The following STAB2 variants were observed in gnomAD, a reference collection of about 807,000 sequenced individuals.
STAB2 encodes stabilin-2.
A neutral mutation model predicts 338.1 loss-of-function variants in STAB2; 288 were observed. The ratio of observed to expected loss-of-function variants is 0.85; its 90% CI spans 0.77 to 0.94. The LOEUF (loss-of-function observed/expected upper bound fraction) is 0.94, where lower values mean the gene tolerates loss of function less well. STAB2 is among the 40% of genes least tolerant of loss of function. The pLI, the probability that STAB2 is intolerant of heterozygous loss-of-function variation, is 0.00. For missense variants in STAB2, 3,141 were observed against 3,210.1 expected (o/e 0.98, Z 0.52); for synonymous variants, 1,202 against 1,193.3 (o/e 1.01, Z -0.15).
chr12:103,654,122 T>C (rs78739748), intron 12 of STAB2, among the ~76,000 whole-genome samples: 329 of 152,386 alleles, frequency 2.2e-3, no homozygotes, highest in African/African-American at 7.6e-3. Flanking sequence ...CAATATTTAC[T>C]AAGTCTGTCA....
chr12:103,679,309 G>A (rs539405519), intron 25 of STAB2, among the ~76,000 whole-genome samples: 105 of 152,050 alleles, frequency 6.9e-4, no homozygotes, highest in Non-Finnish European at 1.1e-3. Flanking sequence ...TGGAGGTTGC[G>A]GTGAACTGAG....
rs560284970 is a variant in STAB2 at position 103,587,626 on chromosome 12, CCT to C, written c.81+72_81+73del. On this transcript the variant is annotated intron_variant, in intron 1 of 68. Coordinates refer to ENST00000388887, the MANE Select transcript of STAB2 (RefSeq NM_017564.10). Reference sequence around the variant, plus strand: ...GATATGTTCAAAAGCTTGTCGTTTTCCTCTGTTGTTATGGGTAAAGGGTGAAA... The same window carrying C: ...GATATGTTCAAAAGCTTGTCGTTTTCCTGTTGTTATGGGTAAAGGGTGAAA... The C allele has an allele frequency of 2.9e-4, 384 of 1,345,672 alleles. 1 individual carries two copies. In the African/African-American group the frequency reaches 5.1e-3, roughly 18 times the overall value. The allele number at this position is 1,345,672 out of a possible 1,614,324, so 83.4% of individuals were successfully genotyped here.
At chr12:103,716,237 T>G (rs1015088336) in intron 43 of STAB2, among the ~76,000 whole-genome samples, 2 of 152,238 alleles carry the variant, frequency 1.3e-5, no homozygotes, top group Non-Finnish European at 2.9e-5. Context: ...CTTAAGGCTC[T>G]GAAGCACATG....
chr12:103,658,716 C>G (rs1205257927), intron 15 of STAB2, among the ~76,000 whole-genome samples: 1 of 152,064 alleles, frequency 6.6e-6, no homozygotes, highest in Non-Finnish European at 1.5e-5. Context: ...TCCCAGGACC[C>G]CTACCCATGC....
At chr12:103,707,742 G>A (rs758822712) in intron 38 of STAB2, among the ~76,000 whole-genome samples, 3 of 152,126 alleles carry the variant, frequency 2.0e-5, no homozygotes, top group Non-Finnish European at 2.9e-5. Context: ...CAGTTCACTT[G>A]GCTATCACTG....
intron 5 of STAB2, among the ~76,000 whole-genome samples, chr12:103,629,582 T>C (rs1252055493): frequency 1.3e-5 from 2 of 152,000 alleles, no homozygotes; most frequent in Non-Finnish European, 2.9e-5. Context: ...AAGTGGGGGC[T>C]TTGGCTGGCC....
chr12:103,715,681 C>A, intron 42 of STAB2, 134 bp from the exon 43 acceptor site: 2 of 950,760 alleles, frequency 2.1e-6, no homozygotes, highest in Non-Finnish European at 1.6e-6. Context: ...TGTCTCAGAA[C>A]TTCCAGAAAA....
At chr12:103,683,168 T>A in intron 25 of STAB2, 37 bp from the exon 26 acceptor site, 1 of 1,588,996 alleles carries the variant, frequency 6.3e-7, no homozygotes, top group Non-Finnish European at 8.6e-7. Flanking sequence ...GGCACTTGCT[T>A]TCAATAATCC....
chr12:103,763,868 A>C, intron 68 of STAB2: 1 of 333,086 alleles, frequency 3.0e-6, no homozygotes, highest in Non-Finnish European at 5.4e-6. Flanking sequence ...TCCAAGCCCA[A>C]TCTCATGACC....
intron 8 of STAB2, 72 bp from the exon 9 acceptor site, chr12:103,640,051 A>G (rs550611772): frequency 3.3e-6 from 5 of 1,512,432 alleles, no homozygotes; most frequent in East Asian, 2.3e-5. Flanking sequence ...ATAAAAATAC[A>G]AATTAAAGAA....
Position 103,737,709 on chromosome 12 carries a change from G to A in STAB2, c.5626G>A (p.Gly1876Ser), listed in dbSNP as rs996999052. 7 of 1,612,266 alleles carry A rather than the reference G, an allele frequency of 4.3e-6. No homozygotes were observed. The highest frequency in any genetic ancestry group is 1.7e-5 in the Admixed American group (1 of 59,850). Residue 1876 changes from glycine to serine, a missense_variant, in exon 53 of 69, where the codon GGC becomes AGC. By Grantham distance (56) the Gly-to-Ser change is moderately conservative. Coordinates refer to ENST00000388887, the MANE Select transcript of STAB2 (RefSeq NM_017564.10). ...CTTGTTTGACCTGGGTGTGGCCTAC[G>A]GCATTGACTGTCTGCTGATTGATCC... ...ELLFDLGVAY[G>S]IDCLLIDPTL...
chr12:103,699,205 G>T lies in STAB2; in HGVS notation c.3692G>T (p.Ser1231Ile). The T allele has an allele frequency of 4.3e-6, 7 of 1,612,632 alleles. No homozygotes were observed. Among genetic ancestry groups the T allele is most frequent in the Non-Finnish European group, 5.9e-6 (7 of 1,178,944 alleles). Residue 1231 changes from serine (S) to isoleucine (I), a missense_variant, in exon 34 of 69, where the codon AGC becomes ATC. Transcript: ENST00000388887. ...ETMLGFSYFL[S>I]FFLHNDQLYV... The stretch of plus-strand genomic sequence containing the variant: ...ATGCTGGGTTTCTCCTATTTCCTTA[G>T]CTTCTTTCTCCATAATGACCAGGTA...
intron 27 of STAB2, 88 bp downstream of exon 27, chr12:103,685,172 T>A (rs767538409): frequency 2.5e-6 from 3 of 1,215,480 alleles, no homozygotes; most frequent in South Asian, 2.7e-5. Flanking sequence ...TCTATTGACA[T>A]ATCTTTTGCT....
intron 38 of STAB2, 107 bp from the exon 39 acceptor site, chr12:103,708,334 G>T (rs1305957339): frequency 9.1e-7 from 1 of 1,094,670 alleles, no homozygotes; most frequent in African/African-American, 1.5e-5. Flanking sequence ...ATGATTCCTA[G>T]AAGTAGGTTG....
chr12:103,693,545 T>C (rs1205676664), intron 31 of STAB2, among the ~76,000 whole-genome samples: 2 of 152,090 alleles, frequency 1.3e-5, no homozygotes, highest in Admixed American at 1.3e-4. Context: ...TGATTACATA[T>C]CATTTTTCCA....
chr12:103,644,393 G>A (rs865993824), intron 9 of STAB2, among the ~76,000 whole-genome samples: 3 of 149,958 alleles, frequency 2.0e-5, no homozygotes, highest in South Asian at 4.2e-4. Flanking sequence ...CACAAACACT[G>A]CGGAAGGCCG....
intron 18 of STAB2, among the ~76,000 whole-genome samples, chr12:103,664,805 G>A (rs1874932601): frequency 6.6e-6 from 1 of 152,176 alleles, no homozygotes; most frequent in Non-Finnish European, 1.5e-5. Flanking sequence ...GGACGGAGCT[G>A]ATCCTCTGTG....
intron 3 of STAB2, among the ~76,000 whole-genome samples, chr12:103,609,894 G>A (rs1048715758): frequency 3.9e-5 from 6 of 152,316 alleles, no homozygotes; most frequent in African/African-American, 1.4e-4. Flanking sequence ...GTTTTTGCAT[G>A]AAGGGCTGTT....
chr12:103,643,868 G>A (rs572683606), intron 9 of STAB2, among the ~76,000 whole-genome samples: 326 of 143,332 alleles, frequency 2.3e-3, no homozygotes, highest in African/African-American at 7.4e-3. Context: ...CGCCCCGTCC[G>A]GGAGGTGAGG....
Sources: gnomAD v4.1 joint callset for allele counts (sites outside exome capture counted in the v4.1 genomes callset) on GRCh38, gnomAD v4.1.1 for gene constraint, MANE v1.5 for transcripts, NCBI Gene and HGNC (gene_info 2026-07-23, HGNC 2026-07-21) for gene names.